Variants in KCNC2 observed in about 807,000 individuals in gnomAD.
The protein encoded by KCNC2 is voltage-gated potassium channel KCNC2.
A neutral mutation model predicts 44.5 loss-of-function variants in KCNC2; 21 were observed. The observed-to-expected ratio is 0.47, with a 90% CI of 0.33 to 0.68. The LOEUF is 0.68. Ranked by LOEUF, KCNC2 falls within the 30% of genes least tolerant of loss-of-function variation. The pLI, the probability that KCNC2 is intolerant of heterozygous loss-of-function variation, is 0.01. For missense variants in KCNC2, 589 were observed against 826.2 expected (o/e 0.71, Z 3.52); for synonymous variants, 391 against 339.1 (o/e 1.15, Z -1.68).
At position 75,207,380 on chromosome 12, in the gene KCNC2, C is replaced by CG; in HGVS notation, c.603dup (p.Asp202ArgfsTer51). 1.9e-6 allele frequency: 3 copies of CG among 1,578,754 alleles called. No individual in the cohort carries two copies. Among genetic ancestry groups the CG allele is most frequent in the Non-Finnish European group, 2.6e-6 (3 of 1,164,012 alleles). ...CTCCTCCAGCGGCCAGATTTGCCGTCGGGGCCCCCGAGCCCCGCCGCGTCC... is the reference window on the plus strand; with the variant it reads ...CTCCTCCAGCGGCCAGATTTGCCGTCGGGGGCCCCCGAGCCCCGCCGCGTCC... On this transcript the variant is annotated frameshift_variant, in exon 2 of 5. Transcript: ENST00000549446. LOFTEE classifies it high-confidence loss of function. The surrounding 1 kb of genome is among the most constrained non-coding windows in gnomAD (Gnocchi z 4.1).
At chr12:75,119,727 C>T (rs78143908) in intron 2 of KCNC2, among the ~76,000 whole-genome samples, 2,619 of 152,154 alleles carry the variant, frequency 0.017, 70 homozygotes, top group African/African-American at 0.06. Flanking sequence ...GAAAGCTTTC[C>T]GTATCTGAAA....
chr12:75,106,430 A>G (rs1886788648), intron 2 of KCNC2, among the ~76,000 whole-genome samples: 1 of 152,312 alleles, frequency 6.6e-6, no homozygotes, highest in East Asian at 1.9e-4. Context: ...GGTAAGCTAA[A>G]AAGAAATGAT....
At chr12:75,199,832 T>C (rs900289947) in intron 2 of KCNC2, among the ~76,000 whole-genome samples, 19 of 151,822 alleles carry the variant, frequency 1.3e-4, no homozygotes, top group Admixed American at 1.1e-3. Context: ...AAAAGACTTA[T>C]ACACAAAAGG....
At chr12:75,157,410 T>A (rs1020431057) in intron 2 of KCNC2, among the ~76,000 whole-genome samples, 23 of 151,918 alleles carry the variant, frequency 1.5e-4, no homozygotes, top group Non-Finnish European at 2.7e-4. Context: ...AGCAATTATC[T>A]ACCTCAGGAT....
At chr12:75,177,288 A>G (rs2137618634) in intron 2 of KCNC2, among the ~76,000 whole-genome samples, 2 of 152,078 alleles carry the variant, frequency 1.3e-5, no homozygotes, top group South Asian at 4.1e-4. Context: ...ATTTTTATGA[A>G]CAAACACAGG....
At chr12:75,135,522 T>C (rs1286541335) in intron 2 of KCNC2, among the ~76,000 whole-genome samples, 1 of 152,046 alleles carries the variant, frequency 6.6e-6, no homozygotes, top group African/African-American at 2.4e-5. Context: ...AGACATTGTT[T>C]TGAAGACAAA....
chr12:75,115,159 T>C (rs147609775), intron 2 of KCNC2, among the ~76,000 whole-genome samples: 3,070 of 152,194 alleles, frequency 0.02, 49 homozygotes, highest in Non-Finnish European at 0.032. Flanking sequence ...CACCGCGCCC[T>C]GCCCAACTTC....
At chr12:75,162,071 A>AT (rs1243716683) in intron 2 of KCNC2, among the ~76,000 whole-genome samples, 1 of 151,672 alleles carries the variant, frequency 6.6e-6, no homozygotes, top group Non-Finnish European at 1.5e-5. Context: ...TTATAAACAA[A>AT]TAAACAAAGA....
intron 2 of KCNC2, among the ~76,000 whole-genome samples, chr12:75,107,989 G>A (rs541378822): frequency 2.4e-4 from 37 of 152,254 alleles, no homozygotes; most frequent in African/African-American, 5.1e-4. Flanking sequence ...AACAAGTACA[G>A]TGTTTAAAAA....
At chr12:75,099,602 A>G (rs1247823111) in intron 2 of KCNC2, among the ~76,000 whole-genome samples, 1 of 152,182 alleles carries the variant, frequency 6.6e-6, no homozygotes, top group Non-Finnish European at 1.5e-5. Flanking sequence ...AGAATTCAAT[A>G]CTGATTCAAT....
At chr12:75,194,249 A>G (rs1327152835) in intron 2 of KCNC2, among the ~76,000 whole-genome samples, 1 of 152,124 alleles carries the variant, frequency 6.6e-6, no homozygotes, top group Non-Finnish European at 1.5e-5. Context: ...CCAATTGACT[A>G]TTGTCCTGAT....
At chr12:75,126,551 A>T (rs1336123475) in intron 2 of KCNC2, among the ~76,000 whole-genome samples, 1 of 152,130 alleles carries the variant, frequency 6.6e-6, no homozygotes, top group African/African-American at 2.4e-5. Context: ...TATGGAAACA[A>T]AGGGCAGTTA....
At chr12:75,082,798 T>A (rs1441386724) in intron 2 of KCNC2, among the ~76,000 whole-genome samples, 1 of 151,832 alleles carries the variant, frequency 6.6e-6, no homozygotes, top group Non-Finnish European at 1.5e-5. Flanking sequence ...ATATTAAGGA[T>A]GATTTTTATG....
Position 75,042,279 on chromosome 12 carries a change from C to CT in KCNC2, c.*825_*826insA. 2 of 1,609,304 alleles carry CT rather than the reference C, an allele frequency of 1.2e-6. No individual in the cohort carries two copies. Among genetic ancestry groups the CT allele is most frequent in the Non-Finnish European group, 1.7e-6 (2 of 1,177,554 alleles). On this transcript the variant is annotated 3_prime_UTR_variant, in exon 5 of 5. Coordinates refer to ENST00000549446, the MANE Select transcript of KCNC2 (RefSeq NM_139137.4). ...ACAATGCAAGCCTGGCTGGCAGTTACCTTTCTCTCATGTTTTGTGCCTTCC... is the reference window on the plus strand; with the variant it reads ...ACAATGCAAGCCTGGCTGGCAGTTACTCTTTCTCTCATGTTTTGTGCCTTCC...
At chr12:75,108,454 C>A (rs1886964763) in intron 2 of KCNC2, among the ~76,000 whole-genome samples, 1 of 152,034 alleles carries the variant, frequency 6.6e-6, no homozygotes, top group Admixed American at 6.6e-5. Flanking sequence ...AGGAGAAGAC[C>A]CTGCCATTTT....
intron 2 of KCNC2, among the ~76,000 whole-genome samples, chr12:75,159,211 A>G (rs994908706): frequency 1.3e-5 from 2 of 151,774 alleles, no homozygotes; most frequent in Non-Finnish European, 2.9e-5. Context: ...CGGCACATGT[A>G]TACCTGTGTA....
intron 2 of KCNC2, among the ~76,000 whole-genome samples, chr12:75,117,819 A>C (rs1026650369): frequency 1.3e-5 from 2 of 152,166 alleles, no homozygotes; most frequent in African/African-American, 4.8e-5. Context: ...AGATCATATG[A>C]GGTAATACTT....
chr12:75,105,322 A>C (rs926027105), intron 2 of KCNC2, among the ~76,000 whole-genome samples: 15 of 152,192 alleles, frequency 9.9e-5, no homozygotes, highest in African/African-American at 3.6e-4. Context: ...CATAGTAAGA[A>C]GTCCAGTGTG....
intron 2 of KCNC2, among the ~76,000 whole-genome samples, chr12:75,197,456 T>G (rs1483352452): frequency 6.6e-6 from 1 of 152,084 alleles, no homozygotes; most frequent in Non-Finnish European, 1.5e-5. Flanking sequence ...CAAAATGTCA[T>G]CTTTGTTTCC....
Sources: gnomAD v4.1 joint callset for allele counts (sites outside exome capture counted in the v4.1 genomes callset) on GRCh38, gnomAD v4.1.1 for gene constraint, Gnocchi (gnomAD v3.1) non-coding constraint, MANE v1.5 for transcripts, NCBI Gene and HGNC (gene_info 2026-07-23, HGNC 2026-07-21) for gene names.